FBXL17: variants seen among roughly 807,000 people sequenced by gnomAD.
FBXL17 encodes F-box and leucine rich repeat protein 17, also known as F-box/LRR-repeat protein 17.
FBXL17 carries 22 observed loss-of-function variants against 66.2 expected under a neutral mutation model. That is an observed-to-expected ratio of 0.33 (90% CI 0.24 to 0.47). The LOEUF is 0.47. FBXL17 is among the 20% of genes least tolerant of loss of function. The pLI is 1.00. For synonymous variants in FBXL17, 474 were observed against 400.5 expected (o/e 1.18, Z -2.19); for missense variants, 878 against 948.2 (o/e 0.93, Z 0.97).
intron 4 of FBXL17, among the ~76,000 whole-genome samples, chr5:108,325,591 G>A (rs556940838): frequency 1.3e-5 from 2 of 152,080 alleles, no homozygotes; most frequent in Admixed American, 1.3e-4. Flanking sequence ...TATTAACATA[G>A]CAGGTCCCAC....
At chr5:108,168,907 A>G (rs1379757030) in intron 6 of FBXL17, among the ~76,000 whole-genome samples, 3 of 152,224 alleles carry the variant, frequency 2.0e-5, no homozygotes, top group African/African-American at 4.8e-5. Flanking sequence ...TAAGGAAAAT[A>G]CTGTCACTGG....
intron 4 of FBXL17, among the ~76,000 whole-genome samples, chr5:108,252,324 G>A (rs926274677): frequency 9.2e-5 from 14 of 152,062 alleles, no homozygotes; most frequent in African/African-American, 3.4e-4. Flanking sequence ...TGTATTCAGA[G>A]CAATTAAGCT....
chr5:107,946,252 A>ATT (rs201604465), intron 7 of FBXL17, among the ~76,000 whole-genome samples: 1,829 of 56,722 alleles, frequency 0.032, 181 homozygotes, highest in Non-Finnish European at 0.045. Flanking sequence ...TATCAATCTC[A>ATT]TTTTATATAT....
intron 6 of FBXL17, among the ~76,000 whole-genome samples, chr5:108,177,492 A>G (rs996858708): frequency 6.6e-6 from 1 of 152,168 alleles, no homozygotes; most frequent in Non-Finnish European, 1.5e-5. Context: ...TGACCATTTA[A>G]TTTATCATTT....
chr5:108,245,591 G>C (rs192867839), intron 4 of FBXL17, among the ~76,000 whole-genome samples: 2 of 152,120 alleles, frequency 1.3e-5, no homozygotes, highest in East Asian at 3.9e-4. Flanking sequence ...TTTAAATAAG[G>C]TTCTCCAATA....
At position 108,042,542 on chromosome 5, in the gene FBXL17, T is replaced by C. The variant is rs1455794027; in HGVS notation, c.1746-21541A>G. 2.6e-5 allele frequency among the ~76,000 whole-genome samples: 4 copies of C among 152,232 alleles called. No individual in the cohort carries two copies. The South Asian group carries it at 6.2e-4, about 24-fold the overall frequency. The stretch of plus-strand genomic sequence containing the variant: ...ATATAATTTGGGGAGACAGACTTTT[T>C]AACTCAGTGTAATTCTCTGGAGATT... On this transcript the variant is annotated intron_variant, in intron 6 of 8. Transcript: ENST00000542267.
intron 3 of FBXL17, among the ~76,000 whole-genome samples, chr5:108,355,517 A>C (rs1185292463): frequency 6.6e-6 from 1 of 152,182 alleles, no homozygotes; most frequent in African/African-American, 2.4e-5. Context: ...TCCTGACCTC[A>C]GGTAAGCCAC....
intron 8 of FBXL17, among the ~76,000 whole-genome samples, chr5:107,866,559 G>A (rs1051085625): frequency 2.6e-5 from 4 of 152,172 alleles, no homozygotes; most frequent in African/African-American, 9.7e-5. Context: ...GAGAGTCGGT[G>A]TAACAAATTT....
At chr5:108,334,175 A>G (rs75119732) in intron 4 of FBXL17, among the ~76,000 whole-genome samples, 1 of 152,206 alleles carries the variant, frequency 6.6e-6, no homozygotes, top group Non-Finnish European at 1.5e-5. Flanking sequence ...AAACACCTAA[A>G]TTGCCCAAGA....
intron 6 of FBXL17, among the ~76,000 whole-genome samples, chr5:108,075,677 A>G (rs1363887299): frequency 1.3e-5 from 2 of 152,128 alleles, no homozygotes; most frequent in East Asian, 3.9e-4. Flanking sequence ...GGGTTTCACC[A>G]TGTTGGCCAG....
At chr5:107,994,190 C>T (rs1198290839) in intron 7 of FBXL17, among the ~76,000 whole-genome samples, 1 of 152,012 alleles carries the variant, frequency 6.6e-6, no homozygotes, top group African/African-American at 2.4e-5. Context: ...AATTTATTTC[C>T]ATTAAAGCCT....
chr5:108,004,061 G>T (rs969330555), intron 7 of FBXL17, among the ~76,000 whole-genome samples: 3 of 152,028 alleles, frequency 2.0e-5, no homozygotes, highest in Non-Finnish European at 4.4e-5. Context: ...GTAAAAAGAA[G>T]ATATTGCAAG....
intron 8 of FBXL17, among the ~76,000 whole-genome samples, chr5:107,865,618 T>C (rs1580664355): frequency 1.3e-5 from 2 of 152,136 alleles, no homozygotes; most frequent in South Asian, 4.1e-4. Context: ...GCACCAGTAA[T>C]CCTCTGTGCA....
chr5:108,221,742 T>A (rs1218195295), intron 5 of FBXL17, among the ~76,000 whole-genome samples: 1 of 152,170 alleles, frequency 6.6e-6, no homozygotes, highest in African/African-American at 2.4e-5. Flanking sequence ...GTAACCAGTA[T>A]GAAAACATTG....
rs571458886 is a variant in FBXL17 at position 108,170,327 on chromosome 5, T to G, written c.1745+15790A>C. Among the ~76,000 whole-genome samples the G allele has an allele frequency of 4.6e-4, 70 of 152,262 alleles. 1 individual carries two copies. The Middle Eastern group carries it at 0.014, about 30-fold the overall frequency. On this transcript the variant is annotated intron_variant, in intron 6 of 8. Transcript: ENST00000542267. ...AAATCTGAGGCAGGTCTGATTAGTGTGTCACTATGGTAAATGGGTATGATA... is the reference window on the plus strand; with the variant it reads ...AAATCTGAGGCAGGTCTGATTAGTGGGTCACTATGGTAAATGGGTATGATA...
intron 4 of FBXL17, among the ~76,000 whole-genome samples, chr5:108,272,553 C>T (rs1344201110): frequency 1.3e-5 from 2 of 151,892 alleles, no homozygotes; most frequent in Non-Finnish European, 2.9e-5. Context: ...CAGGTTTCAC[C>T]ATGTTGGCCA....
intron 7 of FBXL17, among the ~76,000 whole-genome samples, chr5:107,993,377 T>C (rs1343227709): frequency 2.6e-5 from 4 of 152,204 alleles, no homozygotes; most frequent in African/African-American, 9.7e-5. Flanking sequence ...TGTGAGTCTA[T>C]TAAACAAATA....
At chr5:108,067,271 G>A (rs1339352143) in intron 6 of FBXL17, among the ~76,000 whole-genome samples, 3 of 151,976 alleles carry the variant, frequency 2.0e-5, no homozygotes, top group East Asian at 1.9e-4. Context: ...TATCTACTTC[G>A]TATTTTTGTT....
At chr5:108,374,208 A>G (rs1169526143) in intron 1 of FBXL17, among the ~76,000 whole-genome samples, 2 of 152,250 alleles carry the variant, frequency 1.3e-5, no homozygotes, top group Non-Finnish European at 1.5e-5. Context: ...GGCCTATCAG[A>G]TATCTCTAGA....
Sources: allele counts gnomAD v4.1 joint callset (sites outside exome capture counted in the v4.1 genomes callset), GRCh38; gene constraint gnomAD v4.1.1; transcripts MANE v1.5; gene names NCBI Gene and HGNC (gene_info 2026-07-23, HGNC 2026-07-21).